The following TPP2 variants were observed in gnomAD, a reference collection of about 807,000 sequenced individuals.
TPP2 encodes tripeptidyl-peptidase 2.
TPP2 carries 34 observed loss-of-function variants against 155.9 expected under a neutral mutation model. The observed-to-expected ratio is 0.22, with a 90% confidence interval of 0.17 to 0.29. The LOEUF is 0.29. TPP2 is among the 10% of genes least tolerant of loss of function. The pLI, the probability that TPP2 is intolerant of heterozygous loss-of-function variation, is 1.00. For synonymous variants in TPP2, 510 were observed against 529.4 expected, an observed-to-expected ratio of 0.96 and a Z score of 0.50; for missense variants, 1,028 against 1,522.3, an observed-to-expected ratio of 0.68 and a Z score of 5.40.
At chr13:102,661,250 C>CCT (rs1884197824) in intron 25 of TPP2, among the ~76,000 whole-genome samples, 2 of 124,136 alleles carry the variant, frequency 1.6e-5, no homozygotes, top group East Asian at 2.3e-4. Context: ...GAACGCTAAC[C>CCT]TTTTTTTTTT....
chr13:102,676,987 G>A (rs1885313186), intron 29 of TPP2, among the ~76,000 whole-genome samples: 1 of 152,168 alleles, frequency 6.6e-6, no homozygotes, highest in Non-Finnish European at 1.5e-5. Flanking sequence ...ATACGTGAAG[G>A]CAGGGGAGTT....
intron 19 of TPP2, among the ~76,000 whole-genome samples, chr13:102,645,250 G>A (rs624707): frequency 0.5 from 75,401 of 152,028 alleles, 19,097 homozygotes; most frequent in African/African-American, 0.6. Flanking sequence ...GTTAGGATCA[G>A]TGGACATTAA....
rs184107446 is a variant in TPP2, at chr13:102,650,212, C to T, written c.2952+726C>T. On this transcript the variant is annotated intron_variant, in intron 23 of 29. Transcript: ENST00000376052. ...ATCTATCACCTTTTGTCATAATAAT[C>T]ATTTTAGCTCAATGCCAGTAAAAGT... 3.1e-3 allele frequency among the ~76,000 whole-genome samples: 476 copies of T among 152,224 alleles called. 2 individuals carry two copies. Among genetic ancestry groups the T allele is most frequent in the African/African-American group, 0.01 (436 of 41,548 alleles).
rs1419580124 is a variant in TPP2 at position 102,633,375 on chromosome 13, C to CA, written c.1245-567dup. Among the ~76,000 whole-genome samples the CA allele has an allele frequency of 2.6e-5, 4 of 151,438 alleles. No individual in the cohort carries two copies. In the South Asian group the frequency reaches 8.4e-4, roughly 32 times the overall value. On this transcript the variant is annotated intron_variant, in intron 10 of 29. Coordinates refer to ENST00000376052, the MANE Select transcript of TPP2 (RefSeq NM_001330588.2). ...TACACCAAATTTCAAAGACTTGGTA[C>CA]AAAAAAAACAATGTAAACTAATTCA...
chr13:102,676,115 G>GGAAT (rs1246679051), intron 28 of TPP2, among the ~76,000 whole-genome samples, 181 bp from the exon 29 acceptor site: 9 of 151,996 alleles, frequency 5.9e-5, no homozygotes, highest in African/African-American at 2.2e-4. Flanking sequence ...TTCATTCTGT[G>GGAAT]GAATACTCAG....
chr13:102,676,833 A>G (rs1376824856), intron 29 of TPP2, among the ~76,000 whole-genome samples: 1 of 152,226 alleles, frequency 6.6e-6, no homozygotes, highest in Non-Finnish European at 1.5e-5. Context: ...ATCTTACCAT[A>G]TACAATATTA....
Position 102,615,921 on chromosome 13 carries a change from A to G in TPP2, c.391-475A>G, listed in dbSNP as rs112250155. 3.1e-3 allele frequency among the ~76,000 whole-genome samples: 472 copies of G among 152,250 alleles called. 1 individual carries two copies. Among genetic ancestry groups the G allele is most frequent in the Non-Finnish European group, 4.6e-3 (315 of 68,016 alleles). ...ATGAATTGACTAACCAGTTTTTAGT[A>G]AGTGATCCATGGCTTTATCTGCTTC... On this transcript the variant is annotated intron_variant, in intron 3 of 29. Coordinates refer to ENST00000376052, the MANE Select transcript of TPP2 (RefSeq NM_001330588.2).
intron 29 of TPP2, among the ~76,000 whole-genome samples, chr13:102,677,651 C>T (rs1195799582): frequency 2.6e-5 from 4 of 152,182 alleles, no homozygotes; most frequent in African/African-American, 7.2e-5. Flanking sequence ...CCCAGATTTT[C>T]GCACAGATTT....
In TPP2 at chr13:102,604,884, A is replaced by T. The variant is rs748729263; in HGVS notation, c.257A>T (p.Asp86Val). 6.2e-7 allele frequency: 1 copy of T among 1,613,980 alleles called. No homozygotes were observed. The highest frequency in any genetic ancestry group is 1.3e-5 in the African/African-American group (1 of 74,928). The change falls in exon 2 of 30, where the codon GAT (aspartate) becomes GTT (valine). Residue 86 changes from aspartate to valine, a missense_variant. Physicochemically the swap from Asp to Val is radical, Grantham distance 152. Coordinates refer to ENST00000376052, the MANE Select transcript of TPP2 (RefSeq NM_001330588.2). ...ACTGCTACAGAAGTAGAGCCAAAGG[A>T]TGGTGAGATTGTTGGCCTTTCAGGA... Reference protein sequence around the residue: ...VNTATEVEPKDGEIVGLSGRV... With the variant: ...VNTATEVEPKVGEIVGLSGRV...
chr13:102,640,193 C>A, intron 15 of TPP2, 77 bp from the exon 16 acceptor site: 2 of 1,081,422 alleles, frequency 1.8e-6, no homozygotes, highest in Non-Finnish European at 2.6e-6. Flanking sequence ...TGTTATTTTG[C>A]GTTTATCCAA....
At chr13:102,619,413 C>T (rs7995614) in intron 5 of TPP2, among the ~76,000 whole-genome samples, 22,531 of 151,248 alleles carry the variant, frequency 0.15, 2,023 homozygotes, top group African/African-American at 0.25. Flanking sequence ...GATATTTAGC[C>T]ATATGTGTGC....
chr13:102,660,380 A>C (rs1040639260), intron 25 of TPP2, among the ~76,000 whole-genome samples: 2 of 152,188 alleles, frequency 1.3e-5, no homozygotes, highest in African/African-American at 2.4e-5. Context: ...ACAGGAAATT[A>C]AGAGAATCCC....
chr13:102,601,737 A>G lies in TPP2; in HGVS notation c.166-3056A>G, dbSNP rs564083980. Among the ~76,000 whole-genome samples the G allele has an allele frequency of 2.8e-4, 42 of 152,212 alleles. No homozygotes were observed. In the South Asian group the frequency reaches 7.9e-3, roughly 29 times the overall value. On this transcript the variant is annotated intron_variant, in intron 1 of 29. Transcript: ENST00000376052. ...TTTCCTTTACTTCTCCCAAAACACCATGGCAAATCCTCAGGGGGTTTGCCT... is the reference window on the plus strand; with the variant it reads ...TTTCCTTTACTTCTCCCAAAACACCGTGGCAAATCCTCAGGGGGTTTGCCT...
At position 102,644,917 on chromosome 13, in the gene TPP2, G is replaced by T; in HGVS notation, c.2301G>T (p.Ser767=). ...TGAGAAATCCTTTGTAGCATGCATCGGAAGGAATCAACCGCTTTGATGTTC... is the reference window on the plus strand; with the variant it reads ...TGAGAAATCCTTTGTAGCATGCATCTGAAGGAATCAACCGCTTTGATGTTC... ...CTAPQLNIHA[S]EGINRFDVQS... The change falls in exon 19 of 30, where the codon TCG becomes TCT. Residue 767 remains serine, a synonymous_variant. Coordinates refer to ENST00000376052, the MANE Select transcript of TPP2 (RefSeq NM_001330588.2). 1.9e-6 allele frequency: 3 copies of T among 1,613,644 alleles called. No homozygotes were observed. The highest frequency in any genetic ancestry group is 2.5e-6 in the Non-Finnish European group (3 of 1,179,794).
intron 25 of TPP2, among the ~76,000 whole-genome samples, chr13:102,661,424 T>C (rs1884216077): frequency 4.0e-5 from 6 of 151,774 alleles, no homozygotes; most frequent in Admixed American, 3.9e-4. Context: ...CTTATTTTTT[T>C]AAGGGATGGG....
intron 1 of TPP2, among the ~76,000 whole-genome samples, chr13:102,599,492 G>C (rs897222243): frequency 1.3e-5 from 2 of 152,144 alleles, no homozygotes; most frequent in African/African-American, 4.8e-5. Flanking sequence ...GAATGAAATA[G>C]GAGGAAGATG....
chr13:102,599,798 G>A (rs1412925313), intron 1 of TPP2, among the ~76,000 whole-genome samples: 3 of 152,162 alleles, frequency 2.0e-5, no homozygotes, highest in African/African-American at 7.2e-5. Context: ...AGATTGACAA[G>A]GATTATTGGG....
intron 1 of TPP2, 105 bp downstream of exon 1, chr13:102,597,308 G>A: frequency 1.5e-6 from 1 of 662,020 alleles, no homozygotes; most frequent in South Asian, 4.5e-5. Context: ...CTCTGCGGCC[G>A]AGTCCGGGCC....
chr13:102,667,608 G>T (rs573112260), intron 27 of TPP2: 4 of 351,422 alleles, frequency 1.1e-5, no homozygotes, highest in Admixed American at 6.4e-5. Flanking sequence ...TTCAATCTCA[G>T]CCAGTCAGTA....
Sources: allele counts gnomAD v4.1 joint callset (sites outside exome capture counted in the v4.1 genomes callset), GRCh38; gene constraint gnomAD v4.1.1; transcripts MANE v1.5; gene names NCBI Gene and HGNC (gene_info 2026-07-23, HGNC 2026-07-21).